The following RSPH1 variants were observed in gnomAD, a reference collection of about 807,000 sequenced individuals.
RSPH1 encodes radial spoke head component 1, also known as radial spoke head 1 homolog.
In RSPH1, 32 loss-of-function variants were observed where a neutral mutation model predicts 44.2. The observed-to-expected ratio is 0.72, with a 90% CI of 0.55 to 0.97. The LOEUF (loss-of-function observed/expected upper bound fraction) is 0.97. RSPH1 is among the 50% of genes least tolerant of loss of function. RSPH1 has a pLI of 0.00. For missense variants in RSPH1, 391 were observed against 398.7 expected, an observed-to-expected ratio of 0.98 and a Z score of 0.16; for synonymous variants, 134 against 147.3, an observed-to-expected ratio of 0.91 and a Z score of 0.65.
At chr21:42,481,227 C>A (rs2054124826) in intron 6 of RSPH1, among the ~76,000 whole-genome samples, 1 of 152,142 alleles carries the variant, frequency 6.6e-6, no homozygotes, top group East Asian at 1.9e-4. Context: ...ATACCTGGCA[C>A]CTCCTCCCCT....
At chr21:42,476,184 C>T in intron 7 of RSPH1, 137 bp from the exon 8 acceptor site, 2 of 813,690 alleles carry the variant, frequency 2.5e-6, no homozygotes, top group Admixed American at 2.5e-5. Flanking sequence ...TTCCCCATCT[C>T]AACATCCACC....
In RSPH1 at chr21:42,496,012, G is replaced by T. The variant is rs149522977; in HGVS notation, c.54+121C>A. ...TGGCGTGGCCTTCGTCCCTGCCGGGGATCCTGGGGAGCTGTGGCTCAGACC... is the reference window on the plus strand; with the variant it reads ...TGGCGTGGCCTTCGTCCCTGCCGGGTATCCTGGGGAGCTGTGGCTCAGACC... On this transcript the variant is annotated intron_variant, in intron 1 of 8. Transcript: ENST00000291536. The T allele has an allele frequency of 4.4e-5, 50 of 1,125,472 alleles. 3 individuals carry two copies. Among genetic ancestry groups the T allele is most frequent in the East Asian group, 1.2e-4 (5 of 41,316 alleles). The allele number at this position is 1,125,472 out of a possible 1,614,324, so 69.7% of individuals were successfully genotyped here. A position where few individuals can be genotyped will look rare whatever the true frequency, so the allele number is the denominator to read the frequency against.
chr21:42,472,853 C>A lies in RSPH1; in HGVS notation c.895G>T (p.Glu299Ter). 1 of 1,608,342 alleles carries A rather than the reference C, an allele frequency of 6.2e-7. No individual in the cohort carries two copies. Among genetic ancestry groups the A allele is most frequent in the Non-Finnish European group, 8.5e-7 (1 of 1,174,918 alleles). ...DMDEGNINSE[E>*]EETRQSDLQD ...AGGTCTGACTGTCTAGTTTCTTCTT[C>A]TTCAGAATTAATGTTTCCTGAAAAG... Residue 299 changes from glutamate (E) to a stop codon, truncating the protein, a stop_gained, in exon 9 of 9, where the codon GAA (glutamate) becomes TAA (stop). Coordinates refer to ENST00000291536, the MANE Select transcript of RSPH1 (RefSeq NM_080860.4). LOFTEE classifies it high-confidence loss of function.
In RSPH1 at chr21:42,482,330, G is replaced by A. The variant is rs117313892; in HGVS notation, c.573+307C>T. 3.5e-4 allele frequency among the ~76,000 whole-genome samples: 54 copies of A among 152,270 alleles called. No homozygotes were observed. In the East Asian group the frequency reaches 7.9e-3, roughly 22 times the overall value. ...AACTCCTGACCTAAAGCAATCCACC[G>A]CTTCGGCCTCCCAAAGTGCTGGGAT... is the stretch of plus-strand genomic sequence containing the variant. On this transcript the variant is annotated intron_variant, in intron 6 of 8. Coordinates refer to ENST00000291536, the MANE Select transcript of RSPH1 (RefSeq NM_080860.4).
At chr21:42,483,409 C>T (rs1282788009) in intron 5 of RSPH1, among the ~76,000 whole-genome samples, 2 of 151,932 alleles carry the variant, frequency 1.3e-5, no homozygotes, top group East Asian at 1.9e-4. Flanking sequence ...CTTAAGAGTC[C>T]CAGATCCTCA....
intron 3 of RSPH1, among the ~76,000 whole-genome samples, chr21:42,491,526 T>G (rs1601636430): frequency 6.6e-6 from 1 of 152,182 alleles, no homozygotes; most frequent in Admixed American, 6.5e-5. Context: ...TGAGATTAGG[T>G]GCATAAGGAT....
intron 3 of RSPH1, among the ~76,000 whole-genome samples, chr21:42,488,662 A>G (rs1434087671): frequency 3.3e-5 from 5 of 152,210 alleles, no homozygotes; most frequent in Non-Finnish European, 7.3e-5. Context: ...GAGGACGGTG[A>G]GCAAAATTTT....
chr21:42,487,352 A>G (rs1271654217), intron 3 of RSPH1, among the ~76,000 whole-genome samples: 1 of 152,232 alleles, frequency 6.6e-6, no homozygotes, highest in African/African-American at 2.4e-5. Context: ...TGCATATTAC[A>G]CCAAGTCATT....
At chr21:42,493,118 A>T (rs769772920) in intron 1 of RSPH1, 39 bp from the exon 2 acceptor site, 13 of 1,535,274 alleles carry the variant, frequency 8.5e-6, no homozygotes, top group Admixed American at 6.7e-5. Flanking sequence ...GCTACCATTC[A>T]TTAAGCGCTA....
At chr21:42,475,334 A>G (rs1296034541) in intron 8 of RSPH1, among the ~76,000 whole-genome samples, 1 of 152,140 alleles carries the variant, frequency 6.6e-6, no homozygotes, top group Non-Finnish European at 1.5e-5. Context: ...TGGGAGGCCG[A>G]GGCGGGCCTC....
At chr21:42,494,167 A>C (rs2054263752) in intron 1 of RSPH1, among the ~76,000 whole-genome samples, 1 of 152,254 alleles carries the variant, frequency 6.6e-6, no homozygotes, top group Admixed American at 6.5e-5. Flanking sequence ...GAATATAGTA[A>C]ATAATAAAAT....
At chr21:42,483,594 T>A (rs2054151966) in intron 5 of RSPH1, among the ~76,000 whole-genome samples, 1 of 152,182 alleles carries the variant, frequency 6.6e-6, no homozygotes, top group Non-Finnish European at 1.5e-5. Context: ...ATATATTAAA[T>A]GTTGCAAATA....
rs144037391 is a variant in RSPH1 at position 42,486,421 on chromosome 21, G to A, written c.315C>T (p.Tyr105=). ...ANDLRHGHGV[Y]YYINNDTYTG... ...TGTAGGTGTCATTATTGATGTAGTA[G>A]TATACGCCATGGCCGTGCCGCAGGT... Residue 105 remains tyrosine (Y), a synonymous_variant, in exon 4 of 9, where the codon TAC becomes TAT. Transcript: ENST00000291536. The A allele has an allele frequency of 7.6e-5, 122 of 1,614,066 alleles. No homozygotes were observed. In the African/African-American group the frequency reaches 1.2e-3, roughly 16 times the overall value.
intron 7 of RSPH1, among the ~76,000 whole-genome samples, chr21:42,476,273 T>C (rs1467979379): frequency 6.6e-6 from 1 of 152,064 alleles, no homozygotes; most frequent in Non-Finnish European, 1.5e-5. Context: ...GCAGGTAGTC[T>C]GATAACTTTC....
intron 3 of RSPH1, among the ~76,000 whole-genome samples, chr21:42,490,646 A>G (rs530885343): frequency 1.3e-5 from 2 of 152,348 alleles, no homozygotes; most frequent in East Asian, 3.9e-4. Flanking sequence ...GTGGCATAAT[A>G]AGAAATATTG....
At chr21:42,495,219 G>C (rs1732510151) in intron 1 of RSPH1, among the ~76,000 whole-genome samples, 1 of 152,212 alleles carries the variant, frequency 6.6e-6, no homozygotes, top group South Asian at 2.1e-4. Context: ...GGCACTTCTG[G>C]CTCTCCATAC....
At chr21:42,476,152 CT>C in intron 7 of RSPH1, 105 bp from the exon 8 acceptor site, 1 of 1,119,168 alleles carries the variant, frequency 8.9e-7, no homozygotes, top group Non-Finnish European at 1.3e-6. Context: ...CACCCTCCCC[CT>C]CCCACTGGCA....
At chr21:42,476,092 G>T (rs1339385086) in intron 7 of RSPH1, 45 bp from the exon 8 acceptor site, 5 of 1,608,672 alleles carry the variant, frequency 3.1e-6, no homozygotes, top group Non-Finnish European at 4.2e-6. Flanking sequence ...TGGGAAAAAT[G>T]GAGCCTGCAG....
chr21:42,493,008 G>C lies in RSPH1; in HGVS notation c.126C>G (p.Asp42Glu), dbSNP rs2054251478. 2 of 1,614,076 alleles carry C rather than the reference G, an allele frequency of 1.2e-6. No homozygotes were observed. Among genetic ancestry groups the C allele is most frequent in the African/African-American group, 2.7e-5 (2 of 74,924 alleles). ...GRGRARLPNG[D>E]TYEGSYEFGK... The stretch of plus-strand genomic sequence containing the variant: ...CGAATTCGTAGCTCCCTTCGTAGGT[G>C]TCCCCGTTGGGTAGCCGTGCCCTCC... Residue 42 changes from aspartate (D) to glutamate (E), a missense_variant, in exon 2 of 9, where the codon GAC becomes GAG. Transcript: ENST00000291536.
Sources: allele counts gnomAD v4.1 joint callset (sites outside exome capture counted in the v4.1 genomes callset), GRCh38; gene constraint gnomAD v4.1.1; transcripts MANE v1.5; gene names NCBI Gene and HGNC (gene_info 2026-07-23, HGNC 2026-07-21).